PPM1E: variants seen among roughly 807,000 people sequenced by gnomAD.
The protein encoded by PPM1E is protein phosphatase 1E.
In PPM1E, 20 loss-of-function variants were observed where a neutral mutation model predicts 65.9. The ratio of observed to expected loss-of-function variants is 0.30; its 90% CI spans 0.21 to 0.44. The LOEUF is 0.44. Ranked by LOEUF, PPM1E falls within the 20% of genes least tolerant of loss-of-function variation. The pLI is 1.00. For missense variants in PPM1E, 713 were observed against 953.1 expected, an observed-to-expected ratio of 0.75 and a Z score of 3.32; for synonymous variants, 352 against 374.9, an observed-to-expected ratio of 0.94 and a Z score of 0.70.
Position 58,980,476 on chromosome 17 carries a change from T to A in PPM1E, c.1713T>A (p.Asp571Glu). The change falls in exon 7 of 7, where the codon GAT (aspartate) becomes GAA (glutamate). Residue 571 changes from aspartate to glutamate, a missense_variant. By Grantham distance (45) the Asp-to-Glu change is conservative. Coordinates refer to ENST00000308249, the MANE Select transcript of PPM1E (RefSeq NM_014906.5). This position sits in a 1 kb window ranked among gnomAD's most constrained non-coding sequence, Gnocchi z 4.7. ...TGCTGGAAGACCCAGGCTACCTAGA[T>A]CTCACACAAATAGAAGCAAGCAAAC... ...INVLEDPGYL[D>E]LTQIEASKPH... 1 of 1,614,136 alleles carries A rather than the reference T, an allele frequency of 6.2e-7. No individual in the cohort carries two copies. The highest frequency in any genetic ancestry group is 8.5e-7 in the Non-Finnish European group (1 of 1,180,028).
At chr17:58,818,168 G>A (rs1388995494) in intron 1 of PPM1E, among the ~76,000 whole-genome samples, 1 of 151,076 alleles carries the variant, frequency 6.6e-6, no homozygotes, top group East Asian at 1.9e-4. Flanking sequence ...GCATTATGGA[G>A]TATTTACTGT....
intron 1 of PPM1E, among the ~76,000 whole-genome samples, chr17:58,794,151 G>A (rs147963164): frequency 2.6e-3 from 389 of 152,198 alleles, no homozygotes; most frequent in Non-Finnish European, 3.8e-3. Flanking sequence ...TGCCAAGTTG[G>A]CCAGGCTGGG....
intron 1 of PPM1E, among the ~76,000 whole-genome samples, chr17:58,936,938 A>G (rs971940452): frequency 7.2e-5 from 11 of 152,116 alleles, no homozygotes; most frequent in African/African-American, 2.7e-4. Flanking sequence ...CTCCTTTCCT[A>G]TTCTCTAATG....
intron 1 of PPM1E, among the ~76,000 whole-genome samples, chr17:58,827,347 C>T (rs1262202732): frequency 3.3e-5 from 5 of 151,504 alleles, no homozygotes; most frequent in East Asian, 2.0e-4. Context: ...CCATGTTGGC[C>T]GGGCTGGTCT....
intron 1 of PPM1E, among the ~76,000 whole-genome samples, chr17:58,842,564 G>A (rs2050730510): frequency 6.6e-6 from 1 of 152,230 alleles, no homozygotes; most frequent in African/African-American, 2.4e-5. Flanking sequence ...CAGCACTTCG[G>A]GAGGCCAAGG....
At chr17:58,828,365 ATTTTC>A (rs1474141079) in intron 1 of PPM1E, among the ~76,000 whole-genome samples, 2 of 151,794 alleles carry the variant, frequency 1.3e-5, no homozygotes, top group African/African-American at 4.8e-5. Context: ...AACTATTTTA[ATTTTC>A]TTTTCTTTCT....
intron 1 of PPM1E, among the ~76,000 whole-genome samples, chr17:58,872,304 A>G (rs1441026403): frequency 1.3e-5 from 2 of 152,222 alleles, no homozygotes; most frequent in Non-Finnish European, 2.9e-5. Context: ...CTCAAAAAAT[A>G]AGTAAAAGGA....
chr17:58,931,722 ATGTG>A (rs2051902108), intron 1 of PPM1E, among the ~76,000 whole-genome samples: 1 of 152,196 alleles, frequency 6.6e-6, no homozygotes, highest in Non-Finnish European at 1.5e-5. Context: ...CAAGAAAATA[ATGTG>A]TGATCCAAGG....
At position 58,757,861 on chromosome 17, in the gene PPM1E, TA is replaced by T. The variant is rs1436124584; in HGVS notation, c.464+1404del. Among the ~76,000 whole-genome samples, 4 of 152,306 alleles carry T rather than the reference TA, an allele frequency of 2.6e-5. No individual in the cohort carries two copies. The East Asian group carries it at 7.7e-4, about 29-fold the overall frequency. ...AGGTAATGATGCTTTTTGAGAAACG[TA>T]AAATATAAAATGGCGTGTAATACCA... is the stretch of plus-strand genomic sequence containing the variant. On this transcript the variant is annotated intron_variant, in intron 1 of 6. Transcript: ENST00000308249.
chr17:58,843,514 A>T (rs2050741297), intron 1 of PPM1E, among the ~76,000 whole-genome samples: 1 of 151,598 alleles, frequency 6.6e-6, no homozygotes, highest in Admixed American at 6.6e-5. Flanking sequence ...ATCCTGTCTA[A>T]AAAAAATAAA....
chr17:58,808,205 T>A (rs953238099), intron 1 of PPM1E, among the ~76,000 whole-genome samples: 6 of 152,212 alleles, frequency 3.9e-5, no homozygotes, highest in Non-Finnish European at 8.8e-5. Context: ...CTGGCTTATT[T>A]ACTATAATTT....
chr17:58,803,437 A>G (rs1283176500), intron 1 of PPM1E, among the ~76,000 whole-genome samples: 6 of 152,178 alleles, frequency 3.9e-5, no homozygotes, highest in Admixed American at 3.3e-4. Context: ...GCACCTGATC[A>G]TGGTGCATAG....
chr17:58,925,952 A>C (rs1454714244), intron 1 of PPM1E, among the ~76,000 whole-genome samples: 1 of 152,178 alleles, frequency 6.6e-6, no homozygotes, highest in African/African-American at 2.4e-5. Context: ...TCTCATCAAC[A>C]GTGTATGGAT....
intron 1 of PPM1E, among the ~76,000 whole-genome samples, chr17:58,826,848 C>T (rs1477027800): frequency 6.6e-6 from 1 of 151,882 alleles, no homozygotes; most frequent in Non-Finnish European, 1.5e-5. Context: ...CCAGGATGGT[C>T]TCGATCCCCT....
chr17:58,910,032 A>G (rs558831615), intron 1 of PPM1E, among the ~76,000 whole-genome samples: 42 of 143,202 alleles, frequency 2.9e-4, no homozygotes, highest in Non-Finnish European at 4.8e-4. Context: ...CCTCCCAACT[A>G]GCTGGGATTA....
chr17:58,900,028 CA>C (rs796479802), intron 1 of PPM1E, among the ~76,000 whole-genome samples: 2,505 of 96,952 alleles, frequency 0.026, 49 homozygotes, highest in African/African-American at 0.08. Context: ...GATACAGTCT[CA>C]AAAAAAAAAA....
intron 1 of PPM1E, among the ~76,000 whole-genome samples, chr17:58,813,366 A>G (rs1349747181): frequency 6.6e-6 from 1 of 152,214 alleles, no homozygotes. Context: ...ATGGTAGAGA[A>G]AAGCTCAATC....
chr17:58,795,533 T>C (rs2050197500), intron 1 of PPM1E, among the ~76,000 whole-genome samples: 1 of 152,018 alleles, frequency 6.6e-6, no homozygotes, highest in African/African-American at 2.4e-5. Context: ...TCAGACCCTG[T>C]CTCTACAAAA....
intron 1 of PPM1E, among the ~76,000 whole-genome samples, chr17:58,822,854 G>C (rs139057043): frequency 7.2e-4 from 110 of 152,260 alleles, no homozygotes; most frequent in Admixed American, 1.7e-3. Flanking sequence ...CTTGCTGTTG[G>C]AGAGAGAATA....
Sources: allele counts gnomAD v4.1 joint callset (sites outside exome capture counted in the v4.1 genomes callset), GRCh38; gene constraint gnomAD v4.1.1; non-coding constraint Gnocchi (gnomAD v3.1); transcripts MANE v1.5; gene names NCBI Gene and HGNC (gene_info 2026-07-23, HGNC 2026-07-21).